GABRB2: variants seen among roughly 807,000 people sequenced by gnomAD.
GABRB2 encodes gamma-aminobutyric acid type A receptor subunit beta2, also known as gamma-aminobutyric acid receptor subunit beta-2.
A neutral mutation model predicts 54.7 loss-of-function variants in GABRB2; 16 were observed. The ratio of observed to expected loss-of-function variants is 0.29; its 90% CI spans 0.20 to 0.44. The LOEUF is 0.44. Ranked by LOEUF, GABRB2 falls within the 20% of genes least tolerant of loss-of-function variation. The pLI, the probability that GABRB2 is intolerant of heterozygous loss-of-function variation, is 1.00. For synonymous variants in GABRB2, 244 were observed against 233.8 expected, an observed-to-expected ratio of 1.04 and a Z score of -0.40; for missense variants, 355 against 644.0, an observed-to-expected ratio of 0.55 and a Z score of 4.86.
intron 3 of GABRB2, among the ~76,000 whole-genome samples, chr5:161,502,328 A>G (rs1561673716): frequency 6.6e-6 from 1 of 152,168 alleles, no homozygotes; most frequent in Non-Finnish European, 1.5e-5. Context: ...ATTATTTAAT[A>G]TACTCATAAA....
intron 3 of GABRB2, among the ~76,000 whole-genome samples, chr5:161,502,529 C>T (rs1040870073): frequency 1.3e-5 from 2 of 152,062 alleles, no homozygotes; most frequent in Non-Finnish European, 2.9e-5. Context: ...TCTCTCTCTA[C>T]TGCCTACTTT....
chr5:161,321,453 C>T (rs72813515), intron 9 of GABRB2, among the ~76,000 whole-genome samples: 9,679 of 152,076 alleles, frequency 0.064, 392 homozygotes, highest in Middle Eastern at 0.071. Context: ...TACGTGTTAT[C>T]TTTAGTTCTA....
At chr5:161,445,870 G>A (rs925400454) in intron 4 of GABRB2, among the ~76,000 whole-genome samples, 1 of 151,990 alleles carries the variant, frequency 6.6e-6, no homozygotes, top group African/African-American at 2.4e-5. Flanking sequence ...GACCACCTTG[G>A]GCACATGTTC....
At chr5:161,357,719 T>C (rs866273948) in intron 5 of GABRB2, among the ~76,000 whole-genome samples, 1 of 151,952 alleles carries the variant, frequency 6.6e-6, no homozygotes, top group Non-Finnish European at 1.5e-5. Context: ...AATGATGGAA[T>C]TTTATAAATA....
intron 5 of GABRB2, among the ~76,000 whole-genome samples, chr5:161,395,187 A>G (rs1014726644): frequency 7.2e-5 from 11 of 152,090 alleles, no homozygotes; most frequent in African/African-American, 2.2e-4. Context: ...CTGGAGCCCA[A>G]TTTCTTTATG....
At chr5:161,330,195 A>T (rs915945285) in intron 8 of GABRB2, 17 of 152,224 alleles carry the variant, frequency 1.1e-4, no homozygotes, top group African/African-American at 4.1e-4. Flanking sequence ...GTTTTGTGGG[A>T]ATCTTTGACC....
At chr5:161,541,131 C>A (rs1351402889) in intron 3 of GABRB2, among the ~76,000 whole-genome samples, 2 of 152,050 alleles carry the variant, frequency 1.3e-5, no homozygotes, top group African/African-American at 4.8e-5. Context: ...CAGGCGTCAG[C>A]CATTGCACCT....
intron 4 of GABRB2, among the ~76,000 whole-genome samples, chr5:161,413,407 T>C (rs1252186393): frequency 1.3e-5 from 2 of 152,292 alleles, no homozygotes; most frequent in South Asian, 2.1e-4. Flanking sequence ...TCATTGTTTA[T>C]GTTTTCAATG....
chr5:161,520,724 C>T (rs1467260258), intron 3 of GABRB2, among the ~76,000 whole-genome samples: 1 of 151,978 alleles, frequency 6.6e-6, no homozygotes, highest in Non-Finnish European at 1.5e-5. Flanking sequence ...CACAAAAATG[C>T]ATATACCCTA....
At chr5:161,459,311 A>G in intron 4 of GABRB2, 2 of 333,516 alleles carry the variant, frequency 6.0e-6, no homozygotes, top group Non-Finnish European at 1.1e-5. Flanking sequence ...GGCATTCACA[A>G]TGTTTTTGTA....
At chr5:161,365,110 G>C (rs1277521464) in intron 5 of GABRB2, among the ~76,000 whole-genome samples, 1 of 152,108 alleles carries the variant, frequency 6.6e-6, no homozygotes, top group African/African-American at 2.4e-5. Context: ...TTTGGGCAGA[G>C]TTAGTAGGAA....
chr5:161,509,849 T>C (rs1030041887), intron 3 of GABRB2, among the ~76,000 whole-genome samples: 1 of 151,964 alleles, frequency 6.6e-6, no homozygotes, highest in African/African-American at 2.4e-5. Context: ...AATAGTTCCT[T>C]AAGGCCTCCC....
At chr5:161,454,033 A>C (rs1457751516) in intron 4 of GABRB2, among the ~76,000 whole-genome samples, 1 of 110,790 alleles carries the variant, frequency 9.0e-6, no homozygotes, top group African/African-American at 4.0e-5. Context: ...GTGAGATTCC[A>C]AAAAAAAAAA....
At chr5:161,424,228 TACTC>T (rs1756932153) in intron 4 of GABRB2, among the ~76,000 whole-genome samples, 1 of 152,148 alleles carries the variant, frequency 6.6e-6, no homozygotes, top group Non-Finnish European at 1.5e-5. Context: ...TGAAGGTGGC[TACTC>T]CACACAACGG....
At chr5:161,465,036 T>C (rs1282967827) in intron 3 of GABRB2, among the ~76,000 whole-genome samples, 2 of 152,112 alleles carry the variant, frequency 1.3e-5, no homozygotes, top group Non-Finnish European at 1.5e-5. Context: ...TGCATTTTTC[T>C]GTATGCAAAT....
intron 3 of GABRB2, among the ~76,000 whole-genome samples, chr5:161,463,576 T>TATATAG (rs1561659562): frequency 3.7e-4 from 45 of 122,762 alleles, no homozygotes; most frequent in Non-Finnish European, 6.2e-4. Context: ...TATATATATA[T>TATATAG]ATATATATAT....
chr5:161,439,619 T>C (rs1429949069), intron 4 of GABRB2, among the ~76,000 whole-genome samples: 1 of 152,118 alleles, frequency 6.6e-6, no homozygotes. Context: ...GTCAGTACAA[T>C]AAGATATAAA....
At chr5:161,403,745 C>T (rs1291995430) in intron 5 of GABRB2, among the ~76,000 whole-genome samples, 1 of 151,924 alleles carries the variant, frequency 6.6e-6, no homozygotes, top group African/African-American at 2.4e-5. Context: ...AAACTGAAAA[C>T]GTGACTGCCA....
At chr5:161,400,543 G>A (rs1022196575) in intron 5 of GABRB2, among the ~76,000 whole-genome samples, 1 of 152,044 alleles carries the variant, frequency 6.6e-6, no homozygotes, top group South Asian at 2.1e-4. Context: ...GGGAAAATTA[G>A]CATTAGAAAC....
Sources: gnomAD v4.1 joint callset for allele counts (sites outside exome capture counted in the v4.1 genomes callset) on GRCh38, gnomAD v4.1.1 for gene constraint, MANE v1.5 for transcripts, NCBI Gene and HGNC (gene_info 2026-07-23, HGNC 2026-07-21) for gene names.